Variants in CLSTN2 observed in about 807,000 individuals in gnomAD.
The protein encoded by CLSTN2 is calsyntenin 2.
Under a neutral mutation model 101.2 loss-of-function variants are expected in CLSTN2, and 48 were observed. The observed-to-expected ratio is 0.47, with a 90% CI of 0.38 to 0.60. CLSTN2 has a LOEUF of 0.60. CLSTN2 is among the 20% of genes least tolerant of loss of function. CLSTN2 has a pLI of 0.00. For synonymous variants in CLSTN2, 481 were observed against 463.6 expected, an observed-to-expected ratio of 1.04 and a Z score of -0.48; for missense variants, 1,160 against 1,238.2, an observed-to-expected ratio of 0.94 and a Z score of 0.95.
At chr3:140,016,911 G>A (rs2007213935) in intron 1 of CLSTN2, among the ~76,000 whole-genome samples, 1 of 151,942 alleles carries the variant, frequency 6.6e-6, no homozygotes, top group Non-Finnish European at 1.5e-5. Context: ...TCCAGTCAAA[G>A]TAGGCTATTA....
At chr3:140,489,298 GTTCAT>G (rs1473961651) in intron 8 of CLSTN2, among the ~76,000 whole-genome samples, 1 of 152,194 alleles carries the variant, frequency 6.6e-6, no homozygotes, top group African/African-American at 2.4e-5. Flanking sequence ...CTCCATAATA[GTTCAT>G]TAAGTTCTGC....
chr3:140,557,643 T>C (rs1354567329), intron 11 of CLSTN2, among the ~76,000 whole-genome samples: 1 of 152,068 alleles, frequency 6.6e-6, no homozygotes, highest in Non-Finnish European at 1.5e-5. Flanking sequence ...CACCCACCCA[T>C]AGAAGAGGAT....
At chr3:140,176,221 T>G (rs1026662577) in intron 2 of CLSTN2, 148 bp downstream of exon 2, 1 of 846,544 alleles carries the variant, frequency 1.2e-6, no homozygotes, top group African/African-American at 1.7e-5. Flanking sequence ...TGTATGCCTC[T>G]TATTTCTGGG....
chr3:140,305,719 C>T (rs1012780301), intron 2 of CLSTN2, among the ~76,000 whole-genome samples: 3 of 151,978 alleles, frequency 2.0e-5, no homozygotes, highest in Non-Finnish European at 4.4e-5. Flanking sequence ...AATTCAGACT[C>T]TTGAAAAATA....
intron 2 of CLSTN2, among the ~76,000 whole-genome samples, chr3:140,196,890 C>A (rs963554641): frequency 2.0e-5 from 3 of 152,284 alleles, no homozygotes; most frequent in Admixed American, 2.0e-4. Flanking sequence ...CCTTTTCTGT[C>A]CCCAAATCTT....
At chr3:140,314,465 T>C (rs1246827426) in intron 2 of CLSTN2, among the ~76,000 whole-genome samples, 1 of 152,098 alleles carries the variant, frequency 6.6e-6, no homozygotes, top group Admixed American at 6.5e-5. Flanking sequence ...AGCTGCTAAC[T>C]CTCAAGATCC....
At chr3:140,540,940 T>G (rs1037973407) in intron 9 of CLSTN2, among the ~76,000 whole-genome samples, 1 of 152,242 alleles carries the variant, frequency 6.6e-6, no homozygotes, top group Non-Finnish European at 1.5e-5. Context: ...CTGCATTAAA[T>G]TGTGTTTGCT....
rs534142885 is a variant in CLSTN2 at position 140,548,486 on chromosome 3, C to T, written c.1674+1805C>T. Among the ~76,000 whole-genome samples the T allele has an allele frequency of 8.5e-5, 13 of 152,260 alleles. No homozygotes were observed. The East Asian group carries it at 2.3e-3, about 27-fold the overall frequency. On this transcript the variant is annotated intron_variant, in intron 10 of 16. Coordinates refer to ENST00000458420, the MANE Select transcript of CLSTN2 (RefSeq NM_022131.3). ...CTCCAGAGATCCAGAACCTTGGAGA[C>T]TGGCAGTCAGGGAAGCCTCCTTGGA... is the stretch of plus-strand genomic sequence containing the variant.
At chr3:140,351,015 G>T (rs144664135) in intron 2 of CLSTN2, among the ~76,000 whole-genome samples, 12 of 152,270 alleles carry the variant, frequency 7.9e-5, no homozygotes, top group Non-Finnish European at 1.6e-4. Flanking sequence ...TAGTGCTGAG[G>T]AAAAGGTACT....
intron 2 of CLSTN2, among the ~76,000 whole-genome samples, chr3:140,289,616 CCTT>C (rs1017257416): frequency 1.3e-5 from 2 of 152,128 alleles, no homozygotes; most frequent in Non-Finnish European, 2.9e-5. Context: ...CTTTAACAAA[CCTT>C]CACTTCTTTT....
chr3:139,972,688 T>A (rs982363489), intron 1 of CLSTN2, among the ~76,000 whole-genome samples: 3 of 152,204 alleles, frequency 2.0e-5, no homozygotes, highest in African/African-American at 7.2e-5. Context: ...GGACATGCAT[T>A]AATGCTGTGA....
Position 140,558,621 on chromosome 3 carries a change from A to G in CLSTN2, c.1824-19A>G. The G allele has an allele frequency of 1.2e-6, 2 of 1,602,998 alleles. No individual in the cohort carries two copies. Among genetic ancestry groups the G allele is most frequent in the Non-Finnish European group, 1.7e-6 (2 of 1,170,850 alleles). ...TAATTGTTTGCTCATCAGTGCCATG[A>G]CCGAGAATGTTTTCCCAGGTGCTTT... is the stretch of plus-strand genomic sequence containing the variant. On this transcript the variant is annotated intron_variant, in intron 11 of 16. Coordinates refer to ENST00000458420, the MANE Select transcript of CLSTN2 (RefSeq NM_022131.3).
intron 2 of CLSTN2, among the ~76,000 whole-genome samples, chr3:140,350,288 A>G (rs1451627056): frequency 6.6e-6 from 1 of 152,256 alleles, no homozygotes; most frequent in East Asian, 1.9e-4. Flanking sequence ...AATAATAGCT[A>G]GAGGAGTTTC....
intron 2 of CLSTN2, among the ~76,000 whole-genome samples, chr3:140,323,099 G>A (rs1038827350): frequency 5.3e-5 from 8 of 152,212 alleles, no homozygotes; most frequent in African/African-American, 1.9e-4. Context: ...ACATTGAATG[G>A]TGGGGACTAA....
At chr3:140,180,030 A>G (rs190344709) in intron 2 of CLSTN2, among the ~76,000 whole-genome samples, 1 of 152,354 alleles carries the variant, frequency 6.6e-6, no homozygotes, top group Admixed American at 6.5e-5. Context: ...GTGATTTAGT[A>G]GTAGCCTTGC....
chr3:140,113,914 G>A (rs1015651616), intron 1 of CLSTN2, among the ~76,000 whole-genome samples: 3 of 152,228 alleles, frequency 2.0e-5, no homozygotes, highest in Non-Finnish European at 4.4e-5. Context: ...GATATGTAGT[G>A]TGGGAAGTTA....
chr3:140,022,769 A>G (rs188253260), intron 1 of CLSTN2, among the ~76,000 whole-genome samples: 1 of 152,306 alleles, frequency 6.6e-6, no homozygotes, highest in East Asian at 1.9e-4. Flanking sequence ...TGTGACTTGT[A>G]GAATCTTAGG....
rs545104859 is a variant in CLSTN2 at position 139,998,555 on chromosome 3, A to G, written c.109+63072A>G. On this transcript the variant is annotated intron_variant, in intron 1 of 16. Transcript: ENST00000458420. ...GAGACGGGGTTTCACCGTGTTTGCC[A>G]GGATGGTCTCTATCTCCTGACCTCG... is the stretch of plus-strand genomic sequence containing the variant. Among the ~76,000 whole-genome samples, 210 of 151,532 alleles carry G rather than the reference A, an allele frequency of 1.4e-3. 1 individual carries two copies. The highest frequency in any genetic ancestry group is 4.8e-3 in the African/African-American group (198 of 41,322).
At chr3:139,992,959 C>T (rs563487080) in intron 1 of CLSTN2, among the ~76,000 whole-genome samples, 4 of 152,282 alleles carry the variant, frequency 2.6e-5, no homozygotes, top group East Asian at 1.9e-4. Context: ...CCTATTGGGA[C>T]GAACAGGAAG....
Sources: gnomAD v4.1 joint callset for allele counts (sites outside exome capture counted in the v4.1 genomes callset) on GRCh38, gnomAD v4.1.1 for gene constraint, MANE v1.5 for transcripts, NCBI Gene and HGNC (gene_info 2026-07-23, HGNC 2026-07-21) for gene names.